The following TP53BP1 variants were observed in gnomAD, a reference collection of about 807,000 sequenced individuals.
TP53BP1 encodes TP53-binding protein 1.
In TP53BP1, 61 loss-of-function variants were observed where a neutral mutation model predicts 200.8. That is an observed-to-expected ratio of 0.30 (90% CI 0.25 to 0.38). The LOEUF is 0.38. TP53BP1 is among the 10% of genes least tolerant of loss of function. TP53BP1 has a pLI of 1.00. For synonymous variants in TP53BP1, 822 were observed against 844.3 expected, an observed-to-expected ratio of 0.97 and a Z score of 0.46; for missense variants, 2,144 against 2,371.9, an observed-to-expected ratio of 0.90 and a Z score of 2.00.
intron 26 of TP53BP1, 117 bp from the exon 27 acceptor site, chr15:43,408,205 T>TA (rs2044983496): frequency 9.3e-7 from 1 of 1,072,458 alleles, no homozygotes; most frequent in Admixed American, 2.4e-5. Flanking sequence ...CCATCAGACA[T>TA]AGTGTCTCAA....
chr15:43,479,375 CT>C, intron 7 of TP53BP1, 21 bp downstream of exon 7: 1 of 1,577,104 alleles, frequency 6.3e-7, no homozygotes, highest in Non-Finnish European at 8.6e-7. Context: ...CTCGTAAATC[CT>C]TTTTAGAAAG....
chr15:43,471,098 G>C (rs1486765629), intron 10 of TP53BP1, among the ~76,000 whole-genome samples: 5 of 151,928 alleles, frequency 3.3e-5, no homozygotes, highest in Non-Finnish European at 7.4e-5. Flanking sequence ...AAGGCTTTAG[G>C]TTAAGAGAAA....
chr15:43,475,919 T>C (rs1240719926), intron 8 of TP53BP1, among the ~76,000 whole-genome samples: 2 of 152,232 alleles, frequency 1.3e-5, no homozygotes, highest in Admixed American at 1.3e-4. Context: ...AATAAAGAAC[T>C]GATGAAGAGT....
intron 14 of TP53BP1, among the ~76,000 whole-genome samples, chr15:43,445,266 T>C (rs2143004579): frequency 6.6e-6 from 1 of 152,296 alleles, no homozygotes; most frequent in South Asian, 2.1e-4. Flanking sequence ...AGTCACCAAA[T>C]GGATCCTAAT....
upstream of TP53BP1, among the ~76,000 whole-genome samples, chr15:43,497,965 T>C (rs1339874681): frequency 6.6e-6 from 1 of 152,184 alleles, no homozygotes; most frequent in Non-Finnish European, 1.5e-5. Flanking sequence ...ACTTAGATCA[T>C]AAAAAATTTT....
rs578231071 is a variant in TP53BP1, at chr15:43,480,919, T to C, written c.475A>G (p.Thr159Ala). The part of the protein sequence containing the change: ...KEKEEDTSGN[T>A]THSLGAEDTA... ...CCTTCAGCACCAAGGGAATGTGTAG[T>C]ATTGCCTGAAGTATCTTCTTCCTTC... Residue 159 changes from threonine to alanine, a missense_variant, in exon 5 of 28, where the codon ACT becomes GCT. By Grantham distance (58) the Thr-to-Ala change is moderately conservative. Around this residue, in one of 4 missense-constraint regions of TP53BP1, gnomAD observed 1,700 missense variants for 1,710.3 expected, o/e 0.99. Coordinates refer to ENST00000382044, the MANE Select transcript of TP53BP1 (RefSeq NM_001141980.3). The C allele has an allele frequency of 3.1e-6, 5 of 1,614,130 alleles. No homozygotes were observed. In the East Asian group the frequency reaches 1.1e-4, roughly 36 times the overall value.
chr15:43,436,331 G>T (rs1223654655), intron 16 of TP53BP1, among the ~76,000 whole-genome samples: 1 of 152,032 alleles, frequency 6.6e-6, no homozygotes, highest in Non-Finnish European at 1.5e-5. Flanking sequence ...TTATCACATT[G>T]TCTAATTACG....
At chr15:43,495,533 A>AC (rs56809321), upstream of TP53BP1, among the ~76,000 whole-genome samples, 295 of 143,270 alleles carry the variant, frequency 2.1e-3, no homozygotes, top group Middle Eastern at 0.015. Flanking sequence ...ACACACACAC[A>AC]AAAGCCAGGT....
intron 4 of TP53BP1, among the ~76,000 whole-genome samples, chr15:43,484,208 C>T (rs185685450): frequency 1.7e-4 from 26 of 152,266 alleles, no homozygotes; most frequent in African/African-American, 6.3e-4. Context: ...ATCTGTAGTC[C>T]CAGCTACTTG....
intron 21 of TP53BP1, 129 bp downstream of exon 21, chr15:43,420,170 TTTTGTA>T: frequency 1.1e-6 from 1 of 869,624 alleles, no homozygotes; most frequent in Non-Finnish European, 1.8e-6. Context: ...GAGTAACCAA[TTTTGTA>T]GGAATGAAAT....
In TP53BP1 at chr15:43,492,040, C is replaced by G. The variant is rs2079131216; in HGVS notation, c.248G>C (p.Ser83Thr). Residue 83 changes from serine (S) to threonine (T), a missense_variant, in exon 3 of 28, where the codon AGT (serine) becomes ACT (threonine). Ser to Thr is a moderately conservative substitution (Grantham distance 58, BLOSUM62 1). Around this residue, in one of 4 missense-constraint regions of TP53BP1, gnomAD observed 1,700 missense variants for 1,710.3 expected, o/e 0.99. Transcript: ENST00000382044. ...TAGEERGDGN[S>T]GFNEHLKENK... Reference sequence around the variant, plus strand: ...TTCTTTCAAATGTTCATTGAACCCACTATTACCGTCTCCTCGTTCTTCTCC... The same window carrying G: ...TTCTTTCAAATGTTCATTGAACCCAGTATTACCGTCTCCTCGTTCTTCTCC... 2 of 1,613,964 alleles carry G rather than the reference C, an allele frequency of 1.2e-6. No individual in the cohort carries two copies. The highest frequency in any genetic ancestry group is 1.1e-5 in the South Asian group (1 of 91,076).
chr15:43,453,032 A>C (rs2046207697), intron 12 of TP53BP1, among the ~76,000 whole-genome samples: 2 of 151,914 alleles, frequency 1.3e-5, no homozygotes, highest in Admixed American at 1.3e-4. Flanking sequence ...GTCTCTACTA[A>C]AAATACAAAA....
At chr15:43,426,439 CAAAAAAAA>C (rs538087512) in intron 18 of TP53BP1, among the ~76,000 whole-genome samples, 2 of 56,790 alleles carry the variant, frequency 3.5e-5, no homozygotes, top group African/African-American at 6.3e-5. Context: ...GACTCTGTGT[CAAAAAAAA>C]AAAAAAAAAA....
chr15:43,456,080 A>T lies in TP53BP1; in HGVS notation c.2528T>A (p.Val843Glu). Residue 843 changes from valine (V) to glutamate (E), a missense_variant, in exon 12 of 28, where the codon GTG becomes GAG. Around this residue, in one of 4 missense-constraint regions of TP53BP1, gnomAD observed 1,700 missense variants for 1,710.3 expected, o/e 0.99. Transcript: ENST00000382044. Reference sequence around the variant, plus strand: ...AAGTCTTAAAGGATCATCTGCTCTCACTAAAGGTAAGGAAGGCTGTGAAGA... The same window carrying T: ...AAGTCTTAAAGGATCATCTGCTCTCTCTAAAGGTAAGGAAGGCTGTGAAGA... The part of the protein sequence containing the change: ...QDSSQPSLPL[V>E]RADDPLRLDQ... 4 of 1,614,162 alleles carry T rather than the reference A, an allele frequency of 2.5e-6. No individual in the cohort carries two copies. In the East Asian group the frequency reaches 8.9e-5, roughly 36 times the overall value.
chr15:43,407,255 A>AGTT lies in TP53BP1; in HGVS notation c.*125_*127dup, dbSNP rs1412417471. On this transcript the variant is annotated 3_prime_UTR_variant, in exon 28 of 28. Transcript: ENST00000382044. ...GATTCAACATTTATTTTATCATAAA[A>AGTT]GTTCAGCAAATAAAACTATATACAA... The AGTT allele has an allele frequency of 1.3e-6, 1 of 751,110 alleles. No homozygotes were observed. The highest frequency in any genetic ancestry group is 1.8e-5 in the African/African-American group (1 of 56,604). The allele number at this position is 751,110 out of a possible 1,614,324, so 46.5% of individuals were successfully genotyped here. A position where few individuals can be genotyped will look rare whatever the true frequency, so the allele number is the denominator to read the frequency against.
At chr15:43,409,419 T>C in intron 25 of TP53BP1, 2 of 539,324 alleles carry the variant, frequency 3.7e-6, no homozygotes, top group Non-Finnish European at 6.6e-6. Flanking sequence ...AATCTTCTTT[T>C]GTCCCAGCAA....
At chr15:43,414,501 A>G (rs2045213102) in intron 23 of TP53BP1, among the ~76,000 whole-genome samples, 1 of 152,218 alleles carries the variant, frequency 6.6e-6, no homozygotes, top group Non-Finnish European at 1.5e-5. Flanking sequence ...ATGGAGTTTC[A>G]TCAGTTTGCT....
intron 10 of TP53BP1, among the ~76,000 whole-genome samples, chr15:43,474,285 G>A (rs1252631580): frequency 6.6e-6 from 1 of 152,150 alleles, no homozygotes. Flanking sequence ...TGCAAGCTGA[G>A]GGAGCGGGCT....
intron 1 of TP53BP1, among the ~76,000 whole-genome samples, chr15:43,499,124 A>G (rs1450721521): frequency 6.6e-6 from 1 of 152,186 alleles, no homozygotes; most frequent in African/African-American, 2.4e-5. Context: ...AAAGAATATA[A>G]GAGAAGACTT....
Sources: gnomAD v4.1 joint callset for allele counts (sites outside exome capture counted in the v4.1 genomes callset) on GRCh38, gnomAD v4.1.1 for gene constraint, gnomAD v4.1.1 regional missense constraint, MANE v1.5 for transcripts, NCBI Gene and HGNC (gene_info 2026-07-23, HGNC 2026-07-21) for gene names.